The following RSRC1 variants were observed in gnomAD, a reference collection of about 807,000 sequenced individuals.
RSRC1 encodes the protein arginine and serine rich coiled-coil 1.
A neutral mutation model predicts 49.1 loss-of-function variants in RSRC1; 39 were observed. The observed-to-expected ratio is 0.79, with a 90% CI of 0.61 to 1.04. The LOEUF is 1.04. RSRC1 is among the 50% of genes least tolerant of loss of function. The pLI is 0.00. For missense variants in RSRC1, 388 were observed against 402.4 expected, an observed-to-expected ratio of 0.96 and a Z score of 0.31; for synonymous variants, 143 against 130.8, an observed-to-expected ratio of 1.09 and a Z score of -0.63.
At chr3:158,151,773 G>C (rs1717551889) in intron 3 of RSRC1, among the ~76,000 whole-genome samples, 1 of 152,132 alleles carries the variant, frequency 6.6e-6, no homozygotes, top group African/African-American at 2.4e-5. Context: ...AGGACACAGT[G>C]TCATTATATG....
intron 6 of RSRC1, among the ~76,000 whole-genome samples, chr3:158,454,750 C>T (rs1290034177): frequency 6.6e-6 from 1 of 152,134 alleles, no homozygotes; most frequent in African/African-American, 2.4e-5. Flanking sequence ...TGGTTTACCT[C>T]AACTGCCTGG....
At chr3:158,272,629 A>G (rs1725583114) in intron 4 of RSRC1, among the ~76,000 whole-genome samples, 2 of 152,118 alleles carry the variant, frequency 1.3e-5, no homozygotes, top group African/African-American at 2.4e-5. Flanking sequence ...TAAGTACAGT[A>G]GTAACTGGGG....
intron 6 of RSRC1, among the ~76,000 whole-genome samples, chr3:158,424,016 A>C (rs536743468): frequency 1.9e-4 from 29 of 151,160 alleles, no homozygotes; most frequent in African/African-American, 6.3e-4. Context: ...TGTCGTCTGC[A>C]AACAGGGACA....
At chr3:158,302,432 A>C (rs1024471876) in intron 5 of RSRC1, among the ~76,000 whole-genome samples, 1 of 151,964 alleles carries the variant, frequency 6.6e-6, no homozygotes, top group East Asian at 1.9e-4. Flanking sequence ...TAAGAAAATA[A>C]TTTTTTTAAT....
chr3:158,359,420 A>C (rs1731348508), intron 6 of RSRC1, among the ~76,000 whole-genome samples: 1 of 152,200 alleles, frequency 6.6e-6, no homozygotes, highest in Non-Finnish European at 1.5e-5. Flanking sequence ...TTTTGTAGAC[A>C]CCACTGCTAG....
At position 158,196,087 on chromosome 3, in the gene RSRC1, T is replaced by G. The variant is rs180974909; in HGVS notation, c.321-6985T>G. Among the ~76,000 whole-genome samples the G allele has an allele frequency of 3.1e-3, 465 of 152,238 alleles. 4 individuals carry two copies. Among genetic ancestry groups the G allele is most frequent in the African/African-American group, 0.01 (417 of 41,542 alleles). On this transcript the variant is annotated intron_variant, in intron 3 of 9. Coordinates refer to ENST00000611884, the MANE Select transcript of RSRC1 (RefSeq NM_001271838.2). ...GCATTGAATCTATAAATTACCTTGG[T>G]CAGTATGGCCATTTTCACGATATTG...
intron 7 of RSRC1, among the ~76,000 whole-genome samples, chr3:158,514,095 G>A (rs1163488361): frequency 6.6e-6 from 1 of 152,092 alleles, no homozygotes; most frequent in Non-Finnish European, 1.5e-5. Flanking sequence ...TTTTTGAAGG[G>A]TTTTCTGTGT....
intron 5 of RSRC1, among the ~76,000 whole-genome samples, chr3:158,311,349 A>T (rs1234278614): frequency 6.6e-6 from 1 of 151,950 alleles, no homozygotes; most frequent in Non-Finnish European, 1.5e-5. Context: ...GAATATTTTA[A>T]ATGCTCCAGA....
intron 4 of RSRC1, among the ~76,000 whole-genome samples, chr3:158,252,675 T>C (rs571227924): frequency 2.0e-5 from 3 of 152,208 alleles, no homozygotes; most frequent in South Asian, 2.1e-4. Context: ...ATAAGTTCTT[T>C]ACATGTTTGG....
chr3:158,204,588 G>A (rs150589272), intron 4 of RSRC1, among the ~76,000 whole-genome samples: 60 of 152,250 alleles, frequency 3.9e-4, no homozygotes, highest in African/African-American at 1.3e-3. Context: ...TCTTGGTAAC[G>A]GGAGAAAGTC....
chr3:158,460,061 T>C (rs944926441), intron 6 of RSRC1, among the ~76,000 whole-genome samples: 15 of 151,978 alleles, frequency 9.9e-5, no homozygotes, highest in Non-Finnish European at 1.0e-4. Context: ...GCTATTATTA[T>C]TATAATAAAG....
intron 3 of RSRC1, among the ~76,000 whole-genome samples, chr3:158,201,489 A>G (rs1176290462): frequency 6.6e-6 from 1 of 152,180 alleles, no homozygotes; most frequent in East Asian, 1.9e-4. Flanking sequence ...TTAAATAAAC[A>G]TGTTAGGCAT....
chr3:158,133,494 G>A (rs1716167429), intron 3 of RSRC1, among the ~76,000 whole-genome samples: 1 of 152,134 alleles, frequency 6.6e-6, no homozygotes, highest in South Asian at 2.1e-4. Flanking sequence ...AAACAACCAA[G>A]ATTTACATTA....
At chr3:158,159,556 A>AAAACC (rs2108223253) in intron 3 of RSRC1, among the ~76,000 whole-genome samples, 1 of 152,306 alleles carries the variant, frequency 6.6e-6, no homozygotes, top group African/African-American at 2.4e-5. Flanking sequence ...TCAAGCCCTG[A>AAAACC]AAACCCAATT....
chr3:158,224,488 G>C (rs1722409197), intron 4 of RSRC1, among the ~76,000 whole-genome samples: 2 of 151,770 alleles, frequency 1.3e-5, no homozygotes, highest in Admixed American at 1.3e-4. Context: ...ACTAACGGTA[G>C]CACTTGAGTA....
At chr3:158,518,726 G>A (rs1046611312) in intron 7 of RSRC1, among the ~76,000 whole-genome samples, 11 of 152,022 alleles carry the variant, frequency 7.2e-5, no homozygotes, top group Non-Finnish European at 1.5e-4. Flanking sequence ...CTAATCACAT[G>A]CAAACTCTGA....
At chr3:158,292,422 A>T (rs1451062670) in intron 4 of RSRC1, among the ~76,000 whole-genome samples, 2 of 152,150 alleles carry the variant, frequency 1.3e-5, no homozygotes, top group African/African-American at 2.4e-5. Flanking sequence ...GGGAATGATT[A>T]AAAAAAGACC....
intron 3 of RSRC1, among the ~76,000 whole-genome samples, chr3:158,180,858 G>A (rs1719570126): frequency 7.0e-6 from 1 of 143,010 alleles, no homozygotes; most frequent in South Asian, 2.2e-4. Flanking sequence ...GGGCTGGAGT[G>A]CAATGGCGCA....
chr3:158,128,590 C>T (rs138905686), intron 3 of RSRC1, among the ~76,000 whole-genome samples: 4 of 152,028 alleles, frequency 2.6e-5, no homozygotes, highest in Admixed American at 6.6e-5. Context: ...TTTCCTTATA[C>T]CCCTCATATC....
Sources: allele counts gnomAD v4.1 joint callset (sites outside exome capture counted in the v4.1 genomes callset), GRCh38; gene constraint gnomAD v4.1.1; transcripts MANE v1.5; gene names NCBI Gene and HGNC (gene_info 2026-07-23, HGNC 2026-07-21).